Variants in GHR observed in about 807,000 individuals in gnomAD.
GHR encodes GH receptor.
GHR carries 35 observed loss-of-function variants against 67.1 expected under a neutral mutation model. The observed-to-expected ratio is 0.52, with a 90% CI of 0.40 to 0.69. The LOEUF (loss-of-function observed/expected upper bound fraction) is 0.69, where lower values mean the gene tolerates loss of function less well. GHR is among the 30% of genes least tolerant of loss of function. GHR has a pLI of 0.00. For synonymous variants in GHR, 272 were observed against 269.1 expected, an observed-to-expected ratio of 1.01 and a Z score of -0.10; for missense variants, 792 against 764.6, an observed-to-expected ratio of 1.04 and a Z score of -0.42.
chr5:42,719,773 A>T lies in GHR; in HGVS notation c.*349A>T, dbSNP rs1299535761. 6.6e-6 allele frequency: 2 copies of T among 302,216 alleles called. No individual in the cohort carries two copies. The highest frequency in any genetic ancestry group is 4.3e-5 in the African/African-American group (2 of 46,346). The allele number at this position is 302,216 out of a possible 1,614,324, so 18.7% of individuals were successfully genotyped here. A position where few individuals can be genotyped will look rare whatever the true frequency, so the allele number is the denominator to read the frequency against. On this transcript the variant is annotated 3_prime_UTR_variant, in exon 10 of 10. Transcript: ENST00000230882. Reference sequence around the variant, plus strand: ...TCACGCTTTTTGAAAAAGCGAAAAAATCAGGTGGCTTTTGCGGTTCAGGAA... The same window carrying T: ...TCACGCTTTTTGAAAAAGCGAAAAATTCAGGTGGCTTTTGCGGTTCAGGAA...
chr5:42,463,936 T>G (rs1292816975), intron 1 of GHR, among the ~76,000 whole-genome samples: 6 of 125,400 alleles, frequency 4.8e-5, no homozygotes, highest in African/African-American at 1.9e-4. Flanking sequence ...GAGCTTGCAG[T>G]GAGCCGAGAT....
chr5:42,609,872 G>A (rs981181112), intron 2 of GHR, among the ~76,000 whole-genome samples: 1 of 152,176 alleles, frequency 6.6e-6, no homozygotes, highest in Non-Finnish European at 1.5e-5. Flanking sequence ...CAATATTCAA[G>A]AGGGTGAAAT....
chr5:42,710,867 A>G (rs751526668), intron 6 of GHR, among the ~76,000 whole-genome samples: 4 of 152,146 alleles, frequency 2.6e-5, no homozygotes, highest in Non-Finnish European at 5.9e-5. Flanking sequence ...ATAATATCCC[A>G]GATATGTAGG....
chr5:42,707,884 A>G (rs1475355996), intron 6 of GHR, among the ~76,000 whole-genome samples: 2 of 152,104 alleles, frequency 1.3e-5, no homozygotes, highest in Non-Finnish European at 2.9e-5. Flanking sequence ...ATTATTTTTA[A>G]TAATTTTGTC....
At chr5:42,496,531 G>A (rs1746327214) in intron 1 of GHR, among the ~76,000 whole-genome samples, 1 of 152,144 alleles carries the variant, frequency 6.6e-6, no homozygotes, top group Non-Finnish European at 1.5e-5. Context: ...TGTGTTGTGG[G>A]AGCCTGATTT....
intron 4 of GHR, 43 bp from the exon 5 acceptor site, chr5:42,694,874 T>G (rs780213743): frequency 6.9e-7 from 1 of 1,445,656 alleles, no homozygotes; most frequent in South Asian, 1.1e-5. Context: ...AGCTACAACA[T>G]GATTTTTGGA....
chr5:42,424,385 C>T lies in GHR; in HGVS notation c.-12+430C>T. On this transcript the variant is annotated intron_variant, in intron 1 of 9. Transcript: ENST00000230882. This position sits in a 1 kb window ranked among gnomAD's most constrained non-coding sequence, Gnocchi z 4.1. ...GTGTGTTTCTGTTTGCCATCATCTG[C>T]CTGGCTGCGGCAGGAACTGCCGAGG... The T allele has an allele frequency of 1.7e-6, 1 of 597,208 alleles. No homozygotes were observed. Among genetic ancestry groups the T allele is most frequent in the Non-Finnish European group, 3.0e-6 (1 of 334,572 alleles). 37.0% of individuals were successfully genotyped at this position (597,208 alleles called of 1,614,324 possible).
chr5:42,715,774 G>T (rs1446010733), intron 8 of GHR, among the ~76,000 whole-genome samples: 1 of 152,180 alleles, frequency 6.6e-6, no homozygotes, highest in East Asian at 1.9e-4. Context: ...CAGATTTGGG[G>T]ATTATCTTTT....
intron 1 of GHR, among the ~76,000 whole-genome samples, chr5:42,463,890 G>A (rs905646297): frequency 6.7e-6 from 1 of 148,342 alleles, no homozygotes; most frequent in Admixed American, 6.7e-5. Flanking sequence ...CTACTTGGGA[G>A]GCTGAGGCAG....
Position 42,431,608 on chromosome 5 carries a change from C to T in GHR, c.-12+7653C>T, listed in dbSNP as rs886753112. The stretch of plus-strand genomic sequence containing the variant: ...TTCTTCTACAGAGTCTTTCAAACTT[C>T]CAGATGTGTTTACTGTTTTGATTAG... On this transcript the variant is annotated intron_variant, in intron 1 of 9. Transcript: ENST00000230882. 2.0e-5 allele frequency among the ~76,000 whole-genome samples: 3 copies of T among 152,172 alleles called. No individual in the cohort carries two copies. In the South Asian group the frequency reaches 6.2e-4, roughly 32 times the overall value.
intron 6 of GHR, among the ~76,000 whole-genome samples, chr5:42,703,389 C>T (rs929150606): frequency 6.6e-6 from 1 of 151,868 alleles, no homozygotes; most frequent in Non-Finnish European, 1.5e-5. Flanking sequence ...TTTCCGAACA[C>T]TTTATTCTTT....
Position 42,718,573 on chromosome 5 carries a change from A to C in GHR, c.1066A>C (p.Lys356Gln). 1 of 1,614,168 alleles carries C rather than the reference A, an allele frequency of 6.2e-7. No individual in the cohort carries two copies. The highest frequency in any genetic ancestry group is 8.5e-7 in the Non-Finnish European group (1 of 1,180,020). The change falls in exon 10 of 10, where the codon AAG becomes CAG. Residue 356 changes from lysine to glutamine, a missense_variant. Transcript: ENST00000230882. Reference protein sequence around the residue: ...IELDIDEPDEKTEESDTDRLL... With the variant: ...IELDIDEPDEQTEESDTDRLL... The stretch of plus-strand genomic sequence containing the variant: ...GCTAGATATTGATGAGCCAGATGAA[A>C]AGACTGAGGAATCAGACACAGACAG...
intron 2 of GHR, among the ~76,000 whole-genome samples, chr5:42,584,417 T>C (rs1319873581): frequency 6.6e-6 from 1 of 152,180 alleles, no homozygotes; most frequent in African/African-American, 2.4e-5. Context: ...AAGTTGAGAC[T>C]AGATTTCACA....
intron 1 of GHR, among the ~76,000 whole-genome samples, chr5:42,504,043 A>AT (rs918418045): frequency 3.9e-5 from 6 of 152,010 alleles, no homozygotes; most frequent in East Asian, 1.9e-4. Context: ...AATTTCTTAC[A>AT]TTTTTTTTAA....
chr5:42,562,515 T>C (rs955902966), intron 1 of GHR, among the ~76,000 whole-genome samples: 1 of 152,162 alleles, frequency 6.6e-6, no homozygotes, highest in Non-Finnish European at 1.5e-5. Context: ...TTAAATACTT[T>C]TTTCTGCTGT....
In GHR at chr5:42,424,170, T is replaced by TTGTG; in HGVS notation, c.-12+215_-12+216insTGTG. ...GCTGGTGGGTTGTTGTAACCCAATC[T>TTGTG]AGTGTGTGTGTGTGTGTGTGTGTGT... is the stretch of plus-strand genomic sequence containing the variant. On this transcript the variant is annotated intron_variant, in intron 1 of 9. Transcript: ENST00000230882. The surrounding 1 kb of genome is among the most constrained non-coding windows in gnomAD (Gnocchi z 4.1). Among the ~76,000 whole-genome samples the TTGTG allele has an allele frequency of 1.3e-5, 1 of 75,176 alleles. No homozygotes were observed. The highest frequency in any genetic ancestry group is 4.7e-4 in the South Asian group (1 of 2,126). 49.3% of individuals were successfully genotyped at this position (75,176 alleles called of 152,430 possible). A position where few individuals can be genotyped will look rare whatever the true frequency, so the allele number is the denominator to read the frequency against.
chr5:42,701,304 C>T (rs571967110), intron 6 of GHR, among the ~76,000 whole-genome samples: 5 of 152,244 alleles, frequency 3.3e-5, no homozygotes, highest in African/African-American at 7.2e-5. Flanking sequence ...GCCAGTTTCA[C>T]GTTTGAAGTT....
intron 5 of GHR, 111 bp from the exon 6 acceptor site, chr5:42,699,713 G>A: frequency 1.3e-6 from 1 of 778,014 alleles, no homozygotes; most frequent in South Asian, 1.4e-5. Flanking sequence ...GAAGAAATAA[G>A]AGCATGAATG....
intron 1 of GHR, chr5:42,468,518 T>C: frequency 1.3e-6 from 1 of 792,730 alleles, no homozygotes; most frequent in Non-Finnish European, 2.1e-6. Context: ...GACCAGGACC[T>C]CAGCTCCTAC....
Sources: gnomAD v4.1 joint callset for allele counts (sites outside exome capture counted in the v4.1 genomes callset) on GRCh38, gnomAD v4.1.1 for gene constraint, Gnocchi (gnomAD v3.1) non-coding constraint, MANE v1.5 for transcripts, NCBI Gene and HGNC (gene_info 2026-07-23, HGNC 2026-07-21) for gene names.